Variants in ERBB4 observed in about 807,000 individuals in gnomAD.
ERBB4 encodes the protein erb-b2 receptor tyrosine kinase 4.
In ERBB4, 42 loss-of-function variants were observed where a neutral mutation model predicts 158.0. The observed-to-expected ratio is 0.27, with a 90% CI of 0.21 to 0.34. The LOEUF is 0.34. ERBB4 is among the 10% of genes least tolerant of loss of function. The pLI is 1.00. For missense variants in ERBB4, 1,333 were observed against 1,624.1 expected (o/e 0.82, Z 3.08); for synonymous variants, 583 against 558.7 (o/e 1.04, Z -0.61).
chr2:212,465,743 C>G (rs1480578899), intron 1 of ERBB4, among the ~76,000 whole-genome samples: 1 of 152,140 alleles, frequency 6.6e-6, no homozygotes, highest in Non-Finnish European at 1.5e-5. Context: ...CCATTTATAC[C>G]TAAAGTAGTC....
intron 1 of ERBB4, among the ~76,000 whole-genome samples, chr2:212,349,179 T>C (rs1238247569): frequency 1.3e-5 from 2 of 152,196 alleles, no homozygotes; most frequent in Non-Finnish European, 2.9e-5. Context: ...AGAGTTGTAA[T>C]TGTTCACCAG....
At chr2:211,792,771 A>G (rs2105867705) in intron 3 of ERBB4, among the ~76,000 whole-genome samples, 1 of 152,002 alleles carries the variant, frequency 6.6e-6, no homozygotes, top group African/African-American at 2.4e-5. Context: ...TTCACTCCAC[A>G]AAGGTTAACC....
chr2:211,518,067 T>C (rs2066084829), intron 20 of ERBB4, among the ~76,000 whole-genome samples: 1 of 149,382 alleles, frequency 6.7e-6, no homozygotes, highest in Non-Finnish European at 1.5e-5. Flanking sequence ...CTATAATTCC[T>C]CATATTCCTC....
chr2:212,317,307 C>G (rs2087335050), intron 1 of ERBB4, among the ~76,000 whole-genome samples: 2 of 151,482 alleles, frequency 1.3e-5, no homozygotes, highest in South Asian at 4.1e-4. Context: ...AGTTTAAAAA[C>G]TTTTACCCCA....
Position 211,377,872 on chromosome 2 carries a change from T to C in ERBB4, c.*5743A>G. On this transcript the variant is annotated 3_prime_UTR_variant, in exon 28 of 28. Coordinates refer to ENST00000342788, the MANE Select transcript of ERBB4 (RefSeq NM_005235.3). ...TAGGGAAGGACACAGAGAATTGATC[T>C]TCATGGGAAACCATAATTTTAATAG... 1 of 232,908 alleles carries C rather than the reference T, an allele frequency of 4.3e-6. No individual in the cohort carries two copies. 14.4% of individuals were successfully genotyped at this position (232,908 alleles called of 1,614,324 possible). A position where few individuals can be genotyped will look rare whatever the true frequency, so the allele number is the denominator to read the frequency against.
At chr2:212,537,054 A>G (rs565164894) in intron 1 of ERBB4, among the ~76,000 whole-genome samples, 1 of 152,302 alleles carries the variant, frequency 6.6e-6, no homozygotes, top group East Asian at 1.9e-4. Context: ...AACGGCCAGC[A>G]CAAACGCCTC....
In ERBB4 at chr2:211,394,639, G is replaced by C. The variant is rs376193762; in HGVS notation, c.3136-6647C>G. Among the ~76,000 whole-genome samples the C allele has an allele frequency of 4.4e-4, 67 of 152,190 alleles. No individual in the cohort carries two copies. In the East Asian group the frequency reaches 0.012, roughly 28 times the overall value. The stretch of plus-strand genomic sequence containing the variant: ...TTCTAATGCAATGTCTTTAAGAACA[G>C]AAATGAAATCATCAAGCCTTTTCGA... On this transcript the variant is annotated intron_variant, in intron 25 of 27. Transcript: ENST00000342788.
chr2:212,453,164 T>C (rs990172612), intron 1 of ERBB4, among the ~76,000 whole-genome samples: 1 of 152,194 alleles, frequency 6.6e-6, no homozygotes, highest in Non-Finnish European at 1.5e-5. Context: ...AAAAATGTTA[T>C]ATGATGATAA....
chr2:212,537,509 C>T (rs1476566076), intron 1 of ERBB4, among the ~76,000 whole-genome samples: 1 of 152,104 alleles, frequency 6.6e-6, no homozygotes, highest in African/African-American at 2.4e-5. Context: ...AGCCCTTTGC[C>T]TGCCCAGGTA....
chr2:211,398,876 G>A (rs1442244255), intron 25 of ERBB4, among the ~76,000 whole-genome samples: 1 of 152,102 alleles, frequency 6.6e-6, no homozygotes, highest in African/African-American at 2.4e-5. Flanking sequence ...TTGCCCTCAG[G>A]CTAAATGAAG....
chr2:212,243,197 T>C (rs747009540), intron 1 of ERBB4, among the ~76,000 whole-genome samples: 16 of 152,112 alleles, frequency 1.1e-4, no homozygotes, highest in Non-Finnish European at 2.1e-4. Context: ...TTTTTTAATA[T>C]TCAAAAAAAA....
At chr2:212,327,500 T>C (rs1389143738) in intron 1 of ERBB4, among the ~76,000 whole-genome samples, 3 of 151,844 alleles carry the variant, frequency 2.0e-5, no homozygotes. Context: ...ACTCAGTTAG[T>C]GCTCAAGGCA....
At chr2:212,037,859 A>G (rs918333977) in intron 2 of ERBB4, among the ~76,000 whole-genome samples, 4 of 152,232 alleles carry the variant, frequency 2.6e-5, no homozygotes, top group African/African-American at 7.2e-5. Context: ...TAAAGTTTAG[A>G]TGGACACCGG....
rs181223213 is a variant in ERBB4, at chr2:211,894,921, G to A, written c.421+52509C>T. 8.4e-4 allele frequency among the ~76,000 whole-genome samples: 128 copies of A among 152,272 alleles called. 1 individual carries two copies. The highest frequency in any genetic ancestry group is 2.9e-3 in the African/African-American group (122 of 41,554). On this transcript the variant is annotated intron_variant, in intron 3 of 27. Transcript: ENST00000342788. ...ATCACTAATATCTAACATGATTTAT[G>A]TTAAAATTAGTCAAATCAAATTAAC...
chr2:212,270,678 A>G (rs558608054), intron 1 of ERBB4, among the ~76,000 whole-genome samples: 1 of 151,880 alleles, frequency 6.6e-6, no homozygotes, highest in East Asian at 1.9e-4. Context: ...TTGGAGCCCT[A>G]AACCACCATG....
At chr2:212,337,814 G>A (rs1349822539) in intron 1 of ERBB4, among the ~76,000 whole-genome samples, 2 of 152,024 alleles carry the variant, frequency 1.3e-5, no homozygotes, top group East Asian at 3.9e-4. Context: ...CAAAGGTTTT[G>A]TTTTCAAATA....
At chr2:212,462,197 G>A (rs184403997) in intron 1 of ERBB4, among the ~76,000 whole-genome samples, 1 of 152,198 alleles carries the variant, frequency 6.6e-6, no homozygotes, top group East Asian at 1.9e-4. Context: ...ACATTGGTCT[G>A]GGCAAAGATT....
At chr2:211,670,092 T>G (rs2071781334) in intron 14 of ERBB4, among the ~76,000 whole-genome samples, 1 of 152,194 alleles carries the variant, frequency 6.6e-6, no homozygotes, top group Non-Finnish European at 1.5e-5. Flanking sequence ...TTCCTCAATT[T>G]CATCAAAACG....
At chr2:211,571,820 G>T (rs780243401) in intron 19 of ERBB4, among the ~76,000 whole-genome samples, 14 of 151,990 alleles carry the variant, frequency 9.2e-5, no homozygotes, top group Non-Finnish European at 1.5e-4. Context: ...TCCATTCCAG[G>T]AATCAACCCG....
Sources: gnomAD v4.1 joint callset for allele counts (sites outside exome capture counted in the v4.1 genomes callset) on GRCh38, gnomAD v4.1.1 for gene constraint, MANE v1.5 for transcripts, NCBI Gene and HGNC (gene_info 2026-07-23, HGNC 2026-07-21) for gene names.